The following ESF1 variants were observed in gnomAD, a reference collection of about 807,000 sequenced individuals.
ESF1 encodes ESF1 nucleolar pre-rRNA processing protein.
A neutral mutation model predicts 92.0 loss-of-function variants in ESF1; 58 were observed. The observed-to-expected ratio is 0.63, with a 90% confidence interval of 0.51 to 0.78. The LOEUF is 0.78. Among genes scored for constraint, ESF1 ranks in the 30% least tolerant of loss-of-function variants. The probability of loss-of-function intolerance (pLI) is 0.00; values close to 1 mark genes in which losing one functional copy is unlikely to be tolerated. For missense variants in ESF1, 922 were observed against 989.1 expected (o/e 0.93, Z 0.91); for synonymous variants, 321 against 313.7 (o/e 1.02, Z -0.24).
chr20:13,760,424 A>G (rs1407688388), intron 8 of ESF1, among the ~76,000 whole-genome samples: 1 of 147,448 alleles, frequency 6.8e-6, no homozygotes, highest in Non-Finnish European at 1.5e-5. Context: ...CTGGGGTGTG[A>G]GGAGCGCCTC....
chr20:13,767,255 G>A (rs1357811318), intron 7 of ESF1, among the ~76,000 whole-genome samples: 1 of 152,282 alleles, frequency 6.6e-6, no homozygotes, highest in East Asian at 1.9e-4. Context: ...GGCCAGGCAT[G>A]GTGGCTCACA....
intron 11 of ESF1, among the ~76,000 whole-genome samples, chr20:13,720,619 G>A (rs2049861380): frequency 6.6e-6 from 1 of 152,098 alleles, no homozygotes; most frequent in Non-Finnish European, 1.5e-5. Context: ...AGTGTATATG[G>A]TATCTTCTAG....
At chr20:13,779,238 T>C (rs1189096043) in intron 2 of ESF1, among the ~76,000 whole-genome samples, 1 of 151,878 alleles carries the variant, frequency 6.6e-6, no homozygotes, top group Non-Finnish European at 1.5e-5. Flanking sequence ...CCAAAAAAAC[T>C]GCTTTACCAT....
chr20:13,778,040 CATTTACTGATTTATAAATCT>C (rs1198074610), intron 2 of ESF1, among the ~76,000 whole-genome samples: 3 of 152,100 alleles, frequency 2.0e-5, no homozygotes, highest in Non-Finnish European at 4.4e-5. Flanking sequence ...AAAAGGTAAC[CATTTACTGATTTATAAATCT>C]ATGTTCTCAA....
intron 9 of ESF1, among the ~76,000 whole-genome samples, chr20:13,754,712 C>T (rs1196200213): frequency 6.6e-6 from 1 of 152,188 alleles, no homozygotes; most frequent in East Asian, 1.9e-4. Flanking sequence ...TTATCTATAG[C>T]AGCAAGAATG....
chr20:13,777,926 C>A (rs1252429918), intron 2 of ESF1, among the ~76,000 whole-genome samples: 1 of 152,024 alleles, frequency 6.6e-6, no homozygotes, highest in Non-Finnish European at 1.5e-5. Context: ...ATTCACTGAC[C>A]AAATATTTAC....
rs760096669 is a variant in ESF1, at chr20:13,772,591, C to G, written c.1174G>C (p.Glu392Gln). ...VKIYPSEFGK[E>Q]RMKEEQVQGP... ...TGAACTTGCTCTTCCTTCATCCTCT[C>G]CTTTCCAAATTCTGAAGGATATATC... Residue 392 changes from glutamate (E) to glutamine (Q), a missense_variant, in exon 5 of 14, where the codon GAG (glutamate) becomes CAG (glutamine). Glu to Gln is a conservative substitution (Grantham distance 29). Transcript: ENST00000617257. 1.9e-6 allele frequency: 3 copies of G among 1,612,318 alleles called. No individual in the cohort carries two copies. In the Admixed American group the frequency reaches 5.0e-5, roughly 27 times the overall value.
rs1979344578 is a variant in ESF1, at chr20:13,764,558, TG to T, written c.1666+2218del. On this transcript the variant is annotated intron_variant, in intron 8 of 13. Transcript: ENST00000617257. Reference sequence around the variant, plus strand: ...CCAAAACTTAACTAATAGTCTACTGTGCAGTGGAAGCCTTACAAATAATACA... The same window carrying T: ...CCAAAACTTAACTAATAGTCTACTGTCAGTGGAAGCCTTACAAATAATACA... Among the ~76,000 whole-genome samples the T allele has an allele frequency of 2.0e-5, 3 of 152,348 alleles. No individual in the cohort carries two copies. The South Asian group carries it at 6.2e-4, about 32-fold the overall frequency.
At chr20:13,724,949 C>A (rs1300915964) in intron 11 of ESF1, among the ~76,000 whole-genome samples, 1 of 151,022 alleles carries the variant, frequency 6.6e-6, no homozygotes, top group Non-Finnish European at 1.5e-5. Context: ...TCTGCCTAGG[C>A]CTCCCATACC....
At chr20:13,748,202 C>A (rs558768768) in intron 9 of ESF1, among the ~76,000 whole-genome samples, 1 of 151,976 alleles carries the variant, frequency 6.6e-6, no homozygotes, top group Non-Finnish European at 1.5e-5. Flanking sequence ...ACAGAATCTA[C>A]AAAAAATCTG....
intron 3 of ESF1, 101 bp downstream of exon 3, chr20:13,775,772 T>C (rs757157874): frequency 7.4e-7 from 1 of 1,351,732 alleles, no homozygotes; most frequent in South Asian, 1.6e-5. Flanking sequence ...AGAATACTAT[T>C]ACCAATAAGC....
chr20:13,721,167 A>C (rs557595234), intron 11 of ESF1, among the ~76,000 whole-genome samples: 2 of 152,200 alleles, frequency 1.3e-5, no homozygotes, highest in African/African-American at 4.8e-5. Flanking sequence ...TATAATACTA[A>C]TATCTTTCAC....
At chr20:13,719,832 G>T (rs2049855327) in intron 11 of ESF1, among the ~76,000 whole-genome samples, 1 of 151,998 alleles carries the variant, frequency 6.6e-6, no homozygotes, top group African/African-American at 2.4e-5. Context: ...TCTGCAAAAT[G>T]AAAAAACTTA....
chr20:13,736,239 T>TATTCAGCAA (rs2049974566), intron 9 of ESF1, among the ~76,000 whole-genome samples: 1 of 152,176 alleles, frequency 6.6e-6, no homozygotes, highest in Non-Finnish European at 1.5e-5. Context: ...ATATCTCTGG[T>TATTCAGCAA]TATCCACTAG....
chr20:13,777,895 T>TC (rs1192827718), intron 2 of ESF1, among the ~76,000 whole-genome samples: 4 of 152,230 alleles, frequency 2.6e-5, no homozygotes, highest in Admixed American at 1.3e-4. Flanking sequence ...TTTCTCTTGG[T>TC]CCTATAATCT....
At chr20:13,734,975 A>G (rs966481601) in intron 9 of ESF1, among the ~76,000 whole-genome samples, 1 of 152,112 alleles carries the variant, frequency 6.6e-6, no homozygotes, top group African/African-American at 2.4e-5. Context: ...CTATTATCAG[A>G]TACATCTAAA....
At chr20:13,773,950 C>T (rs1462509672) in intron 4 of ESF1, among the ~76,000 whole-genome samples, 1 of 152,006 alleles carries the variant, frequency 6.6e-6, no homozygotes, top group Non-Finnish European at 1.5e-5. Flanking sequence ...AAAAAATTAG[C>T]CGGGCGTGGT....
At chr20:13,744,005 C>A (rs2050031899) in intron 9 of ESF1, among the ~76,000 whole-genome samples, 2 of 152,144 alleles carry the variant, frequency 1.3e-5, no homozygotes, top group South Asian at 4.1e-4. Context: ...AGGGGAGGAT[C>A]AAACAGGTAA....
intron 1 of ESF1, 57 bp from the exon 2 acceptor site, chr20:13,783,240 T>A: frequency 9.0e-7 from 1 of 1,112,088 alleles, no homozygotes; most frequent in Non-Finnish European, 1.2e-6. Context: ...TAATTAAATG[T>A]TTTAAAACAC....
Sources: gnomAD v4.1 joint callset for allele counts (sites outside exome capture counted in the v4.1 genomes callset) on GRCh38, gnomAD v4.1.1 for gene constraint, MANE v1.5 for transcripts, NCBI Gene and HGNC (gene_info 2026-07-23, HGNC 2026-07-21) for gene names.